Variants in TBCD observed in about 807,000 individuals in gnomAD.
The protein encoded by TBCD is tubulin-specific chaperone D.
Under a neutral mutation model 169.3 loss-of-function variants are expected in TBCD, and 105 were observed. The observed-to-expected ratio is 0.62, with a 90% confidence interval of 0.53 to 0.73. The LOEUF is 0.73. TBCD is among the 30% of genes least tolerant of loss of function. The probability of loss-of-function intolerance (pLI) is 0.00; values close to 1 mark genes in which losing one functional copy is unlikely to be tolerated. For missense variants in TBCD, 1,444 were observed against 1,600.1 expected, an observed-to-expected ratio of 0.90 and a Z score of 1.66; for synonymous variants, 700 against 643.9, an observed-to-expected ratio of 1.09 and a Z score of -1.32.
chr17:82,845,376 T>C (rs1413927482), intron 13 of TBCD, among the ~76,000 whole-genome samples: 2 of 132,516 alleles, frequency 1.5e-5, no homozygotes, highest in South Asian at 2.4e-4. Context: ...CCTGTCTGGC[T>C]CGGCCCCTTC....
intron 13 of TBCD, among the ~76,000 whole-genome samples, chr17:82,816,262 C>G (rs1385350274): frequency 6.6e-6 from 1 of 152,196 alleles, no homozygotes; most frequent in African/African-American, 2.4e-5. Flanking sequence ...TGTAAATGCA[C>G]CACACGCCAC....
intron 17 of TBCD, among the ~76,000 whole-genome samples, chr17:82,895,188 A>T (rs1322603208): frequency 6.6e-6 from 1 of 152,234 alleles, no homozygotes; most frequent in African/African-American, 2.4e-5. Context: ...CTTCCTCACG[A>T]TGCCAGGCCC....
At chr17:82,857,005 C>T (rs909847320) in intron 13 of TBCD, among the ~76,000 whole-genome samples, 9 of 151,964 alleles carry the variant, frequency 5.9e-5, no homozygotes, top group African/African-American at 1.2e-4. Flanking sequence ...GGACCGCGTG[C>T]GGACCCTCGG....
At chr17:82,805,520 G>A (rs556633949) in intron 9 of TBCD, among the ~76,000 whole-genome samples, 1 of 152,292 alleles carries the variant, frequency 6.6e-6, no homozygotes, top group South Asian at 2.1e-4. Context: ...GTTCAGGAAG[G>A]GGCTGCCAGG....
rs778040959 is a variant in TBCD at position 82,932,704 on chromosome 17, G to A, written c.3160G>A (p.Gly1054Ser). The part of the protein sequence containing the change: ...LKTLDHVLTH[G>S]CFDIFTTEED... ...GACGCTGGACCACGTGCTCACCCACGGCTGCTTCGACATCTTCACCACGGA... is the reference window on the plus strand; with the variant it reads ...GACGCTGGACCACGTGCTCACCCACAGCTGCTTCGACATCTTCACCACGGA... The change falls in exon 34 of 39, where the codon GGC (glycine) becomes AGC (serine). Residue 1054 changes from glycine (G) to serine (S), a missense_variant. Coordinates refer to ENST00000355528, the MANE Select transcript of TBCD (RefSeq NM_005993.5). 24 of 1,613,792 alleles carry A rather than the reference G, an allele frequency of 1.5e-5. No individual in the cohort carries two copies. The highest frequency in any genetic ancestry group is 1.2e-4 in the Admixed American group (7 of 59,990).
chr17:82,940,617 G>C (rs1257080282), intron 37 of TBCD, among the ~76,000 whole-genome samples: 3 of 152,220 alleles, frequency 2.0e-5, no homozygotes, highest in Non-Finnish European at 4.4e-5. Flanking sequence ...TTCTGGTTTG[G>C]GGAGGAGTGT....
chr17:82,765,536 G>A (rs1260290649), intron 3 of TBCD, among the ~76,000 whole-genome samples: 9 of 152,206 alleles, frequency 5.9e-5, no homozygotes, highest in Admixed American at 5.2e-4. Context: ...TCGTAGTGGC[G>A]AGGCGCATTT....
rs2047839588 is a variant in TBCD, at chr17:82,762,914, G to T, written c.236-1051G>T. On this transcript the variant is annotated intron_variant, in intron 2 of 38. Transcript: ENST00000355528. ...GATTTCAGGGAGTGTATCTCGTTGT[G>T]TCCTTCTCTGCGTTTCCCGGATGCC... Among the ~76,000 whole-genome samples the T allele has an allele frequency of 1.3e-5, 2 of 152,138 alleles. 1 individual carries two copies. The highest frequency in any genetic ancestry group is 1.3e-4 in the Admixed American group (2 of 15,270).
In TBCD at chr17:82,890,732, G is replaced by A. The variant is rs1047009787; in HGVS notation, c.1563+1035G>A. ...GCCCACCCAGCATCCTTGGGGTGCC[G>A]TGGGGCCTGCATGTGTTCAGAGCCC... On this transcript the variant is annotated intron_variant, in intron 16 of 38. Transcript: ENST00000355528. The surrounding 1 kb of genome is among the most constrained non-coding windows in gnomAD (Gnocchi z 5.3). 5.9e-5 allele frequency among the ~76,000 whole-genome samples: 9 copies of A among 152,162 alleles called. No homozygotes were observed. The highest frequency in any genetic ancestry group is 8.8e-5 in the Non-Finnish European group (6 of 68,012).
rs566819746 is a variant in TBCD, at chr17:82,937,491, G to T, written c.3281+131G>T. On this transcript the variant is annotated intron_variant, in intron 35 of 38. Transcript: ENST00000355528. ...ACTCCTCAAGCTAACCTAAGATCGT[G>T]CATTCCAATGTTCAAAGCAGTCGCA... 1.9e-5 allele frequency: 15 copies of T among 793,544 alleles called. No homozygotes were observed. In the African/African-American group the frequency reaches 2.1e-4, roughly 11 times the overall value. The allele number at this position is 793,544 out of a possible 1,614,324, so 49.2% of individuals were successfully genotyped here. A position where few individuals can be genotyped will look rare whatever the true frequency, so the allele number is the denominator to read the frequency against.
At chr17:82,809,497 C>A (rs966398796) in intron 11 of TBCD, among the ~76,000 whole-genome samples, 1 of 152,184 alleles carries the variant, frequency 6.6e-6, no homozygotes, top group African/African-American at 2.4e-5. Flanking sequence ...TGTGCTCACT[C>A]GTCCCCTTTG....
chr17:82,816,267 C>T (rs910844253), intron 13 of TBCD, among the ~76,000 whole-genome samples: 10 of 152,314 alleles, frequency 6.6e-5, no homozygotes, highest in Middle Eastern at 6.8e-3. Context: ...ATGCACCACA[C>T]GCCACGTTTT....
chr17:82,929,020 C>T, intron 30 of TBCD, 93 bp from the exon 31 acceptor site: 1 of 1,495,206 alleles, frequency 6.7e-7, no homozygotes, highest in South Asian at 1.3e-5. Context: ...GGTGCTTGGG[C>T]TGGAGTCACG....
At chr17:82,914,995 C>T (rs760879650) in intron 23 of TBCD, among the ~76,000 whole-genome samples, 1 of 152,270 alleles carries the variant, frequency 6.6e-6, no homozygotes, top group African/African-American at 2.4e-5. Context: ...GTCTGTTTTC[C>T]TTGCTTCTGT....
intron 14 of TBCD, 59 bp downstream of exon 14, chr17:82,870,439 C>T (rs925550156): frequency 1.5e-5 from 23 of 1,571,512 alleles, no homozygotes; most frequent in Middle Eastern, 3.4e-4. Context: ...CGCCGTGTGT[C>T]GTTTCCTCCA....
chr17:82,833,632 C>G lies in TBCD; in HGVS notation c.1318+18698C>G, dbSNP rs546725093. 2.8e-4 allele frequency among the ~76,000 whole-genome samples: 43 copies of G among 152,336 alleles called. No homozygotes were observed. The highest frequency in any genetic ancestry group is 9.9e-4 in the African/African-American group (41 of 41,578). Reference sequence around the variant, plus strand: ...AGGAGGCATGGCCAGCAGCGCCTGCCCGTCCAGATGCACCACCAAATGGAA... The same window carrying G: ...AGGAGGCATGGCCAGCAGCGCCTGCGCGTCCAGATGCACCACCAAATGGAA... On this transcript the variant is annotated intron_variant, in intron 13 of 38. Coordinates refer to ENST00000355528, the MANE Select transcript of TBCD (RefSeq NM_005993.5). The surrounding 1 kb of genome is among the most constrained non-coding windows in gnomAD (Gnocchi z 4.7).
At chr17:82,825,968 A>G (rs1399091335) in intron 13 of TBCD, among the ~76,000 whole-genome samples, 2 of 152,242 alleles carry the variant, frequency 1.3e-5, no homozygotes, top group Admixed American at 1.3e-4. Flanking sequence ...CCTGTCTAAA[A>G]AACAATTTCA....
intron 15 of TBCD, among the ~76,000 whole-genome samples, chr17:82,887,166 TGTGCGCGCGCGC>T (rs796806449): frequency 0.081 from 8,794 of 109,062 alleles, 548 homozygotes; most frequent in African/African-American, 0.21. Flanking sequence ...TGTGTGTGTG[TGTGCGCGCGCGC>T]GCACGTGCGC....
intron 2 of TBCD, among the ~76,000 whole-genome samples, chr17:82,763,601 C>T (rs1471959617): frequency 1.3e-5 from 2 of 151,960 alleles, no homozygotes; most frequent in Non-Finnish European, 2.9e-5. Flanking sequence ...ATTAGCCAGG[C>T]GTGGTGACGC....
Sources: gnomAD v4.1 joint callset for allele counts (sites outside exome capture counted in the v4.1 genomes callset) on GRCh38, gnomAD v4.1.1 for gene constraint, Gnocchi (gnomAD v3.1) non-coding constraint, MANE v1.5 for transcripts, NCBI Gene and HGNC (gene_info 2026-07-23, HGNC 2026-07-21) for gene names.